AGA: variants seen among roughly 807,000 people sequenced by gnomAD.
AGA encodes the protein aspartylglucosaminidase, also known as N(4)-(beta-N-acetylglucosaminyl)-L-asparaginase.
In AGA, 31 loss-of-function variants were observed where a neutral mutation model predicts 40.1. The ratio of observed to expected loss-of-function variants is 0.77; its 90% CI spans 0.58 to 1.04. AGA has a LOEUF of 1.04. AGA is among the 50% of genes least tolerant of loss of function. The pLI is 0.00. For missense variants in AGA, 445 were observed against 435.4 expected, an observed-to-expected ratio of 1.02 and a Z score of -0.20; for synonymous variants, 148 against 144.0, an observed-to-expected ratio of 1.03 and a Z score of -0.20.
intron 7 of AGA, among the ~76,000 whole-genome samples, chr4:177,433,593 A>G (rs552772609): frequency 1.3e-5 from 2 of 152,358 alleles, no homozygotes; most frequent in Non-Finnish European, 2.9e-5. Flanking sequence ...CTTTGGCTGA[A>G]TAACTGTCAG....
chr4:177,433,816 A>G (rs992576259), intron 7 of AGA, among the ~76,000 whole-genome samples: 2 of 152,022 alleles, frequency 1.3e-5, no homozygotes, highest in African/African-American at 4.8e-5. Flanking sequence ...TACTAAATAG[A>G]TCATAAGTAT....
chr4:177,434,642 G>GACAGAAC (rs1736749733), intron 6 of AGA, among the ~76,000 whole-genome samples, 153 bp from the exon 7 acceptor site: 1 of 152,132 alleles, frequency 6.6e-6, no homozygotes, highest in Non-Finnish European at 1.5e-5. Context: ...GTCTTCATTA[G>GACAGAAC]TTTTTTAACT....
rs746624930 is a variant in AGA at position 177,440,651 on chromosome 4, GT to G, written c.128-226del. 0.034 allele frequency among the ~76,000 whole-genome samples: 4,815 copies of G among 142,044 alleles called. 212 individuals are homozygous for G. The highest frequency in any genetic ancestry group is 0.11 in the African/African-American group (4,397 of 39,056). The allele number at this position is 142,044 out of a possible 152,430, so 93.2% of individuals were successfully genotyped here. A position where few individuals can be genotyped will look rare whatever the true frequency, so the allele number is the denominator to read the frequency against. On this transcript the variant is annotated intron_variant, in intron 1 of 8. Transcript: ENST00000264595. ...AACTGGCTATTGGTGCAAGCTGAAGGTTTTTTTTTTTTTCACTTACTAATAT... is the reference window on the plus strand; with the variant it reads ...AACTGGCTATTGGTGCAAGCTGAAGGTTTTTTTTTTTTCACTTACTAATAT...
rs1227443826 is a variant in AGA, at chr4:177,442,241, A to G, written c.127+8T>C. Reference sequence around the variant, plus strand: ...GCGCAGCCGCCCGCCCAGGCCGCCAACCCGCACCTGCTTCGGTTGCATTCT... The same window carrying G: ...GCGCAGCCGCCCGCCCAGGCCGCCAGCCCGCACCTGCTTCGGTTGCATTCT... On this transcript the variant is annotated splice_region_variant and intron_variant, in intron 1 of 8. Coordinates refer to ENST00000264595, the MANE Select transcript of AGA (RefSeq NM_000027.4). 6.2e-7 allele frequency: 1 copy of G among 1,613,566 alleles called. No homozygotes were observed. The highest frequency in any genetic ancestry group is 1.7e-5 in the Admixed American group (1 of 60,008).
chr4:177,437,585 T>C, intron 4 of AGA, 66 bp from the exon 5 acceptor site: 1 of 1,107,842 alleles, frequency 9.0e-7, no homozygotes. Context: ...AGAAATTATG[T>C]ACAATCGCTA....
At chr4:177,433,421 A>T in intron 7 of AGA, 74 bp from the exon 8 acceptor site, 1 of 1,583,886 alleles carries the variant, frequency 6.3e-7, no homozygotes, top group Non-Finnish European at 8.7e-7. Context: ...TTGAAGTTAG[A>T]AATTAAAACC....
rs1579047707 is a variant in AGA, at chr4:177,442,358, G to A, written c.18C>T (p.Asn6=). The A allele has an allele frequency of 6.2e-7, 1 of 1,614,108 alleles. No homozygotes were observed. The highest frequency in any genetic ancestry group is 2.2e-5 in the East Asian group (1 of 44,868). The change falls in exon 1 of 9, where the codon AAC becomes AAT. Residue 6 remains asparagine, a synonymous_variant. Transcript: ENST00000264595. MARKS[N]LPVLLVPFLL... The stretch of plus-strand genomic sequence containing the variant: ...GAAACGGCACGAGAAGCACAGGCAA[G>A]TTCGACTTCCGCGCCATCCCTGACC...
chr4:177,437,263 A>C, intron 5 of AGA, 142 bp downstream of exon 5: 1 of 684,206 alleles, frequency 1.5e-6, no homozygotes, highest in Non-Finnish European at 2.6e-6. Context: ...ATCCTAAGAC[A>C]AGATGGATCT....
At chr4:177,436,249 G>C (rs756597510) in intron 6 of AGA, 27 bp downstream of exon 6, 1 of 1,573,242 alleles carries the variant, frequency 6.4e-7, no homozygotes, top group South Asian at 1.1e-5. Context: ...GTATATTTGA[G>C]AGCTCTGTTC....
chr4:177,438,725 T>A lies in AGA; in HGVS notation c.507+20A>T, dbSNP rs1422321468. On this transcript the variant is annotated intron_variant, in intron 4 of 8. Transcript: ENST00000264595. ...AATATTTTCAATTAACTTATTTTTT[T>A]AAATTAAATGTGTGCATACCCTCCA... is the stretch of plus-strand genomic sequence containing the variant. 6 of 1,465,872 alleles carry A rather than the reference T, an allele frequency of 4.1e-6. No individual in the cohort carries two copies. Among genetic ancestry groups the A allele is most frequent in the African/African-American group, 1.4e-5 (1 of 71,466 alleles). The allele number at this position is 1,465,872 out of a possible 1,614,324, so 90.8% of individuals were successfully genotyped here. A position where few individuals can be genotyped will look rare whatever the true frequency, so the allele number is the denominator to read the frequency against.
chr4:177,433,284 A>C lies in AGA; in HGVS notation c.870T>G (p.Ile290Met). The part of the protein sequence containing the change: ...EDPTIACQKV[I>M]SRIQKHFPEF... ...CTGGAAAATGCTTCTGGATTCTTGA[A>C]ATCACTTTTTGGCAAGCTATGGTTG... Residue 290 changes from isoleucine (I) to methionine (M), a missense_variant, in exon 8 of 9, where the codon ATT becomes ATG. Ile to Met is a conservative substitution (Grantham distance 10). Transcript: ENST00000264595. 2 of 1,614,114 alleles carry C rather than the reference A, an allele frequency of 1.2e-6. No homozygotes were observed. Among genetic ancestry groups the C allele is most frequent in the Non-Finnish European group, 1.7e-6 (2 of 1,179,994 alleles).
intron 1 of AGA, among the ~76,000 whole-genome samples, chr4:177,440,687 C>G (rs901143664): frequency 1.3e-5 from 2 of 150,016 alleles, no homozygotes; most frequent in African/African-American, 2.5e-5. Context: ...TCTATCTCTT[C>G]TGTGTGCGAG....
rs768089673 is a variant in AGA, at chr4:177,433,363, G to A, written c.807-16C>T. ...AGCTTGGTAGCTGATTGAAACAGAG[G>A]TGAAACCTTAGTGTCTCAGAATAAA... On this transcript the variant is annotated splice_polypyrimidine_tract_variant and intron_variant, in intron 7 of 8. Coordinates refer to ENST00000264595, the MANE Select transcript of AGA (RefSeq NM_000027.4). 6.2e-7 allele frequency: 1 copy of A among 1,613,906 alleles called. No individual in the cohort carries two copies. Among genetic ancestry groups the A allele is most frequent in the Non-Finnish European group, 8.5e-7 (1 of 1,179,920 alleles).
At chr4:177,441,252 T>A (rs1299346655) in intron 1 of AGA, among the ~76,000 whole-genome samples, 4 of 152,172 alleles carry the variant, frequency 2.6e-5, no homozygotes, top group Admixed American at 2.0e-4. Context: ...CCCAGGCTGA[T>A]GCAATTTCTT....
In AGA at chr4:177,431,161, TAGTATGTACAAAACAA is replaced by T. The variant is rs998173413; in HGVS notation, c.*531_*546del. 4.5e-6 allele frequency: 2 copies of T among 439,562 alleles called. No individual in the cohort carries two copies. Among genetic ancestry groups the T allele is most frequent in the Non-Finnish European group, 9.0e-6 (2 of 221,254 alleles). The allele number at this position is 439,562 out of a possible 1,614,324, so 27.2% of individuals were successfully genotyped here. A position where few individuals can be genotyped will look rare whatever the true frequency, so the allele number is the denominator to read the frequency against. On this transcript the variant is annotated 3_prime_UTR_variant, in exon 9 of 9. Coordinates refer to ENST00000264595, the MANE Select transcript of AGA (RefSeq NM_000027.4). ...CTCATCAGAAGATAGCTGTATTTTC[TAGTATGTACAAAACAA>T]AGAGTATCTCATGTTCTATCATCTT...
chr4:177,440,922 G>T (rs1459561672), intron 1 of AGA, among the ~76,000 whole-genome samples: 2 of 152,192 alleles, frequency 1.3e-5, no homozygotes, highest in South Asian at 2.1e-4. Context: ...ATATGGATTA[G>T]TTCATTGAGT....
In AGA at chr4:177,437,511, T is replaced by C; in HGVS notation, c.516A>G (p.Ile172Met). The change falls in exon 5 of 9, where the codon ATA becomes ATG. Residue 172 changes from isoleucine (I) to methionine (M), a missense_variant. Transcript: ENST00000264595. ...NCQPNYWRNV[I>M]PDPSKYCGPY... Reference sequence around the variant, plus strand: ...GTCCGCAGTATTTTGAGGGATCTGGTATAACATTCTGTAAACAAGATTTAA... The same window carrying C: ...GTCCGCAGTATTTTGAGGGATCTGGCATAACATTCTGTAAACAAGATTTAA... The C allele has an allele frequency of 6.2e-7, 1 of 1,601,070 alleles. No homozygotes were observed. Among genetic ancestry groups the C allele is most frequent in the Non-Finnish European group, 8.6e-7 (1 of 1,168,250 alleles).
rs1283185775 is a variant in AGA at position 177,431,498 on chromosome 4, T to C, written c.*210A>G. On this transcript the variant is annotated 3_prime_UTR_variant, in exon 9 of 9. Transcript: ENST00000264595. Reference sequence around the variant, plus strand: ...TATACAAAATACAGCCACATACATATTCATCTTCAGATAATATAAGAAAGG... The same window carrying C: ...TATACAAAATACAGCCACATACATACTCATCTTCAGATAATATAAGAAAGG... 4.9e-6 allele frequency: 3 copies of C among 617,880 alleles called. No homozygotes were observed. The highest frequency in any genetic ancestry group is 1.7e-5 in the South Asian group (1 of 59,496). 38.3% of individuals were successfully genotyped at this position (617,880 alleles called of 1,614,324 possible).
intron 4 of AGA, 57 bp from the exon 5 acceptor site, chr4:177,437,576 G>T: frequency 1.6e-6 from 2 of 1,234,078 alleles, no homozygotes; most frequent in Non-Finnish European, 2.4e-6. Flanking sequence ...AAATTGCCAA[G>T]AAATTATGTA....
Sources: allele counts gnomAD v4.1 joint callset (sites outside exome capture counted in the v4.1 genomes callset), GRCh38; gene constraint gnomAD v4.1.1; transcripts MANE v1.5; gene names NCBI Gene and HGNC (gene_info 2026-07-23, HGNC 2026-07-21).